SULT1C2: variants seen among roughly 807,000 people sequenced by gnomAD.
SULT1C2 encodes sulfotransferase 1C2.
SULT1C2 carries 27 observed loss-of-function variants against 36.0 expected under a neutral mutation model. The observed-to-expected ratio is 0.75, with a 90% confidence interval of 0.55 to 1.03. The LOEUF (loss-of-function observed/expected upper bound fraction) is 1.03, where lower values mean the gene tolerates loss of function less well. Ranked by LOEUF, SULT1C2 falls within the 50% of genes least tolerant of loss-of-function variation. SULT1C2 has a pLI of 0.00. For missense variants in SULT1C2, 395 were observed against 359.2 expected (o/e 1.10, Z -0.80); for synonymous variants, 121 against 116.0 (o/e 1.04, Z -0.27).
rs767001571 is a variant in SULT1C2, at chr2:108,304,617, A to G, written c.419A>G (p.Tyr140Cys). 1.9e-6 allele frequency: 3 copies of G among 1,613,590 alleles called. No individual in the cohort carries two copies. Among genetic ancestry groups the G allele is most frequent in the Non-Finnish European group, 2.5e-6 (3 of 1,179,866 alleles). Reference protein sequence around the residue: ...ARNAKDCMVSYYHFQRMNHML... With the variant: ...ARNAKDCMVSCYHFQRMNHML... Reference sequence around the variant, plus strand: ...AATGCCAAAGACTGTATGGTTTCCTACTACCATTTCCAAAGGATGAACCAC... The same window carrying G: ...AATGCCAAAGACTGTATGGTTTCCTGCTACCATTTCCAAAGGATGAACCAC... The change falls in exon 5 of 8, where the codon TAC becomes TGC. Residue 140 changes from tyrosine (Y) to cysteine (C), a missense_variant. Coordinates refer to ENST00000251481, the MANE Select transcript of SULT1C2 (RefSeq NM_001056.4).
chr2:108,304,839 A>C, intron 5 of SULT1C2, 139 bp downstream of exon 5: 9 of 1,197,638 alleles, frequency 7.5e-6, no homozygotes, highest in South Asian at 1.6e-5. Context: ...GGGCAGAGCA[A>C]GCTGGCCACT....
At chr2:108,297,284 G>A (rs899221280) in intron 3 of SULT1C2, among the ~76,000 whole-genome samples, 10 of 152,202 alleles carry the variant, frequency 6.6e-5, no homozygotes, top group South Asian at 6.2e-4. Flanking sequence ...CCAATGAACC[G>A]TTCCTGGAGG....
chr2:108,304,490 C>G, intron 4 of SULT1C2, 84 bp from the exon 5 acceptor site: 1 of 1,485,760 alleles, frequency 6.7e-7, no homozygotes, highest in South Asian at 1.4e-5. Flanking sequence ...GCACAGCAAC[C>G]CTCAGGATGG....
At chr2:108,300,368 C>T (rs1437603961) in intron 3 of SULT1C2, 1 of 158,352 alleles carries the variant, frequency 6.3e-6, no homozygotes, top group East Asian at 1.8e-4. Flanking sequence ...TGGACCAAGA[C>T]TCCGTCTCAA....
intron 3 of SULT1C2, 126 bp downstream of exon 3, chr2:108,294,480 T>TCTCCCTCCCTCTCTCCTGCCTCTTCTCG: frequency 1.0e-6 from 1 of 960,318 alleles, no homozygotes; most frequent in Non-Finnish European, 1.5e-6. Context: ...TCCTCTTCTC[T>TCTCCCTCCCTCTCTCCTGCCTCTTCTCG]TTCTCTCTCA....
chr2:108,305,250 A>G lies in SULT1C2; in HGVS notation c.581A>G (p.Tyr194Cys), dbSNP rs748003130. The G allele has an allele frequency of 4.3e-6, 7 of 1,614,174 alleles. No homozygotes were observed. In the South Asian group the frequency reaches 6.6e-5, roughly 15 times the overall value. ...KDRHQILFLF[Y>C]EDIKRDPKHE... is the part of the protein sequence containing the mutation. ...AGACACCAGATTCTCTTCCTCTTCT[A>G]TGAGGACATAAAGAGGGTGAGTGAA... The change falls in exon 6 of 8, where the codon TAT becomes TGT. Residue 194 changes from tyrosine (Y) to cysteine (C), a missense_variant. Physicochemically the swap from Tyr to Cys is radical, Grantham distance 194 (BLOSUM62 -2). Transcript: ENST00000251481.
chr2:108,306,440 AC>A (rs995471520), intron 7 of SULT1C2, among the ~76,000 whole-genome samples: 40 of 67,364 alleles, frequency 5.9e-4, no homozygotes, highest in African/African-American at 3.8e-3. Flanking sequence ...CCCCATCTCT[AC>A]AAAAAAAAAT....
At chr2:108,291,574 A>C (rs1238364103) in intron 1 of SULT1C2, among the ~76,000 whole-genome samples, 1 of 152,206 alleles carries the variant, frequency 6.6e-6, no homozygotes, top group Non-Finnish European at 1.5e-5. Flanking sequence ...GACTGTTTCC[A>C]AAGTTTCTGC....
chr2:108,295,302 T>C (rs1676697116), intron 3 of SULT1C2, among the ~76,000 whole-genome samples: 1 of 152,210 alleles, frequency 6.6e-6, no homozygotes, highest in African/African-American at 2.4e-5. Context: ...GGTCACTAGG[T>C]AGGTAACTAC....
chr2:108,295,416 C>T (rs1157508741), intron 3 of SULT1C2, among the ~76,000 whole-genome samples: 1 of 152,236 alleles, frequency 6.6e-6, no homozygotes, highest in African/African-American at 2.4e-5. Flanking sequence ...TGATCTCACT[C>T]CATGTGCCAT....
chr2:108,300,745 T>C lies in SULT1C2; in HGVS notation c.278-93T>C, dbSNP rs1238887305. Reference sequence around the variant, plus strand: ...GTCAAGAGACTAGCAGAAAGACAGGTGGGTGATGGGATGTCCTGGACAGAG... The same window carrying C: ...GTCAAGAGACTAGCAGAAAGACAGGCGGGTGATGGGATGTCCTGGACAGAG... On this transcript the variant is annotated intron_variant, in intron 3 of 7. Transcript: ENST00000251481. 7.9e-6 allele frequency: 12 copies of C among 1,514,384 alleles called. No individual in the cohort carries two copies. The South Asian group carries it at 1.5e-4, about 18-fold the overall frequency. 93.8% of individuals were successfully genotyped at this position (1,514,384 alleles called of 1,614,324 possible). A position where few individuals can be genotyped will look rare whatever the true frequency, so the allele number is the denominator to read the frequency against.
intron 4 of SULT1C2, chr2:108,303,339 T>C (rs1676938562): frequency 1.3e-5 from 2 of 152,754 alleles, no homozygotes; most frequent in South Asian, 4.1e-4. Context: ...AGCAATGGGA[T>C]AGGTCAGGAG....
At chr2:108,294,408 T>C in intron 3 of SULT1C2, 54 bp downstream of exon 3, 4 of 1,592,588 alleles carry the variant, frequency 2.5e-6, no homozygotes, top group East Asian at 2.3e-5. Context: ...CTCTCTTCTG[T>C]TTTCCCCTGT....
In SULT1C2 at chr2:108,294,289, G is replaced by T; in HGVS notation, c.212G>T (p.Cys71Phe). The T allele has an allele frequency of 6.2e-7, 1 of 1,614,130 alleles. No individual in the cohort carries two copies. Among genetic ancestry groups the T allele is most frequent in the Middle Eastern group, 1.6e-4 (1 of 6,062 alleles). The part of the protein sequence containing the change: ...MIEQNGDVEK[C>F]QRAIIQHRHP... ...GAACAGAATGGGGACGTGGAGAAGT[G>T]CCAGCGAGCCATCATCCAACACCGC... Residue 71 changes from cysteine to phenylalanine, a missense_variant, in exon 3 of 8, where the codon TGC becomes TTC. Transcript: ENST00000251481.
chr2:108,297,499 C>G (rs1264601241), intron 3 of SULT1C2, among the ~76,000 whole-genome samples: 1 of 152,174 alleles, frequency 6.6e-6, no homozygotes, highest in Non-Finnish European at 1.5e-5. Flanking sequence ...CTTAGTGCAA[C>G]TGACGAAGGC....
chr2:108,293,897 T>C (rs1176172414), intron 2 of SULT1C2, 79 bp downstream of exon 2: 1 of 1,541,462 alleles, frequency 6.5e-7, no homozygotes, highest in African/African-American at 1.4e-5. Context: ...TTCCCCTTCT[T>C]AGGAAACCTG....
In SULT1C2 at chr2:108,305,407, T is replaced by C. The variant is rs541692371; in HGVS notation, c.598-8T>C. On this transcript the variant is annotated splice_polypyrimidine_tract_variant and splice_region_variant and intron_variant, in intron 6 of 7. Coordinates refer to ENST00000251481, the MANE Select transcript of SULT1C2 (RefSeq NM_001056.4). ...ATTCATTCCAGTCCAATGTTACCCTTGCCGCAGGACCCAAAGCATGAAATT... is the reference window on the plus strand; with the variant it reads ...ATTCATTCCAGTCCAATGTTACCCTCGCCGCAGGACCCAAAGCATGAAATT... 6.2e-7 allele frequency: 1 copy of C among 1,613,448 alleles called. No homozygotes were observed. Among genetic ancestry groups the C allele is most frequent in the South Asian group, 1.1e-5 (1 of 91,026 alleles).
rs1558681441 is a variant in SULT1C2 at position 108,305,259 on chromosome 2, TAA to T, written c.592_593del (p.Lys198GlufsTer6). On this transcript the variant is annotated frameshift_variant, in exon 6 of 8. Transcript: ENST00000251481. LOFTEE classifies it high-confidence loss of function. Reference sequence around the variant, plus strand: ...ATTCTCTTCCTCTTCTATGAGGACATAAAGAGGGTGAGTGAAGGCTCTGCAGA... The same window carrying T: ...ATTCTCTTCCTCTTCTATGAGGACATAGAGGGTGAGTGAAGGCTCTGCAGA... The T allele has an allele frequency of 6.2e-7, 1 of 1,614,024 alleles. No individual in the cohort carries two copies. Among genetic ancestry groups the T allele is most frequent in the Admixed American group, 1.7e-5 (1 of 60,012 alleles).
intron 4 of SULT1C2, 164 bp from the exon 5 acceptor site, chr2:108,304,410 C>T: frequency 3.2e-6 from 2 of 634,576 alleles, no homozygotes; most frequent in Non-Finnish European, 5.2e-6. Context: ...GGTGACAAAG[C>T]AGAGACAGAA....
Sources: gnomAD v4.1 joint callset for allele counts (sites outside exome capture counted in the v4.1 genomes callset) on GRCh38, gnomAD v4.1.1 for gene constraint, MANE v1.5 for transcripts, NCBI Gene and HGNC (gene_info 2026-07-23, HGNC 2026-07-21) for gene names.